The following BACH2 variants were observed in gnomAD, a reference collection of about 807,000 sequenced individuals.
BACH2 encodes the protein BACH transcriptional regulator 2, also known as transcription regulator protein BACH2.
Under a neutral mutation model 61.8 loss-of-function variants are expected in BACH2, and 5 were observed. The ratio of observed to expected loss-of-function variants is 0.08; its 90% CI spans 0.04 to 0.17. The LOEUF is 0.17. Among genes scored for constraint, BACH2 ranks in the 10% least tolerant of loss-of-function variants. The probability of loss-of-function intolerance (pLI) is 1.00; values close to 1 mark genes in which losing one functional copy is unlikely to be tolerated. For missense variants in BACH2, 824 were observed against 1,091.1 expected, an observed-to-expected ratio of 0.76 and a Z score of 3.45; for synonymous variants, 446 against 440.1, an observed-to-expected ratio of 1.01 and a Z score of -0.17.
At chr6:90,078,557 G>T (rs939600692) in intron 5 of BACH2, among the ~76,000 whole-genome samples, 27 of 152,116 alleles carry the variant, frequency 1.8e-4, no homozygotes, top group African/African-American at 6.0e-4. Context: ...TGTACTCCAA[G>T]AATAGAGGAG....
chr6:90,093,418 A>G (rs184753450), intron 4 of BACH2, among the ~76,000 whole-genome samples: 6 of 152,268 alleles, frequency 3.9e-5, no homozygotes, highest in Admixed American at 1.3e-4. Flanking sequence ...CTATTCTACT[A>G]ACACTGTTTA....
chr6:90,155,375 C>T (rs568523275), intron 4 of BACH2, among the ~76,000 whole-genome samples: 6 of 152,106 alleles, frequency 3.9e-5, no homozygotes, highest in Admixed American at 3.3e-4. Flanking sequence ...ATGTTCCATT[C>T]GAAGACTATA....
At chr6:90,260,912 T>C (rs1273765780) in intron 2 of BACH2, among the ~76,000 whole-genome samples, 6 of 152,174 alleles carry the variant, frequency 3.9e-5, no homozygotes, top group South Asian at 2.1e-4. Flanking sequence ...TTGAGCCAAT[T>C]TGGCCCACTG....
intron 1 of BACH2, among the ~76,000 whole-genome samples, chr6:90,287,462 C>A (rs1199414378): frequency 6.6e-6 from 1 of 152,066 alleles, no homozygotes; most frequent in African/African-American, 2.4e-5. Context: ...AATCCCTAAC[C>A]ACAAACCAAA....
At chr6:89,943,397 A>G (rs1773550683) in intron 7 of BACH2, among the ~76,000 whole-genome samples, 1 of 152,094 alleles carries the variant, frequency 6.6e-6, no homozygotes, top group Non-Finnish European at 1.5e-5. Flanking sequence ...AAAAGGAAAC[A>G]TTGAAAAATT....
chr6:90,287,525 T>C (rs1442231056), intron 1 of BACH2, among the ~76,000 whole-genome samples: 1 of 152,232 alleles, frequency 6.6e-6, no homozygotes, highest in Non-Finnish European at 1.5e-5. Flanking sequence ...CATCTTGCTA[T>C]AGAGGTTTAT....
Position 90,131,904 on chromosome 6 carries a change from T to G in BACH2, c.-161-42795A>C, listed in dbSNP as rs116268610. ...TTGTTATGCCAGCCAATGAAAGTGA[T>G]TGCATTCCTAAATTAAGTGGAAACA... On this transcript the variant is annotated intron_variant, in intron 4 of 8. Transcript: ENST00000257749. Among the ~76,000 whole-genome samples the G allele has an allele frequency of 6.8e-3, 1,037 of 152,304 alleles. 15 individuals carry two copies. Among genetic ancestry groups the G allele is most frequent in the African/African-American group, 0.022 (935 of 41,564 alleles).
chr6:90,231,099 C>A (rs551551272), intron 3 of BACH2, among the ~76,000 whole-genome samples: 1 of 152,252 alleles, frequency 6.6e-6, no homozygotes, highest in South Asian at 2.1e-4. Flanking sequence ...AGGGAGGACA[C>A]AGAGCACTAG....
At chr6:90,102,222 T>C (rs1172338334) in intron 4 of BACH2, among the ~76,000 whole-genome samples, 1 of 152,198 alleles carries the variant, frequency 6.6e-6, no homozygotes, top group Non-Finnish European at 1.5e-5. Flanking sequence ...GGTTATGGTC[T>C]TGGTGGCATT....
intron 4 of BACH2, among the ~76,000 whole-genome samples, chr6:90,130,299 C>T (rs1431641281): frequency 6.6e-6 from 1 of 152,122 alleles, no homozygotes; most frequent in East Asian, 1.9e-4. Flanking sequence ...AGGCCCATGC[C>T]CAGGATACAG....
intron 5 of BACH2, among the ~76,000 whole-genome samples, chr6:90,029,818 C>G (rs552437723): frequency 1.3e-5 from 2 of 152,280 alleles, no homozygotes; most frequent in South Asian, 4.1e-4. Flanking sequence ...CCTTGCCTAT[C>G]CATTTATCCA....
intron 4 of BACH2, among the ~76,000 whole-genome samples, chr6:90,152,163 G>A (rs1056499551): frequency 2.8e-4 from 42 of 152,200 alleles, no homozygotes; most frequent in African/African-American, 1.0e-3. Context: ...CCATGACAAA[G>A]AAAGGAGGCA....
At chr6:90,288,300 T>C (rs1355655568) in intron 1 of BACH2, among the ~76,000 whole-genome samples, 2 of 152,116 alleles carry the variant, frequency 1.3e-5, no homozygotes, top group Admixed American at 6.5e-5. Flanking sequence ...GAAATCTTTA[T>C]GCACTCATCT....
chr6:90,044,508 A>G (rs923688917), intron 5 of BACH2, among the ~76,000 whole-genome samples: 2 of 152,232 alleles, frequency 1.3e-5, no homozygotes, highest in African/African-American at 4.8e-5. Context: ...GAGAAGCCAG[A>G]GTAGGCAAGT....
At chr6:90,292,916 C>T (rs569524509) in intron 1 of BACH2, among the ~76,000 whole-genome samples, 57 of 152,348 alleles carry the variant, frequency 3.7e-4, no homozygotes, top group Non-Finnish European at 6.5e-4. Context: ...AGCCAGTAGT[C>T]CTACCAACTG....
chr6:89,964,207 T>TAA (rs61668401), intron 6 of BACH2, among the ~76,000 whole-genome samples: 6 of 113,938 alleles, frequency 5.3e-5, no homozygotes, highest in Middle Eastern at 4.9e-3. Context: ...AAAGTATAAT[T>TAA]AAAAAAAAAA....
intron 5 of BACH2, among the ~76,000 whole-genome samples, chr6:90,034,102 T>A (rs1312352778): frequency 6.6e-6 from 1 of 152,194 alleles, no homozygotes; most frequent in African/African-American, 2.4e-5. Context: ...AAATGGCTGT[T>A]ATTCTCTTTT....
intron 3 of BACH2, among the ~76,000 whole-genome samples, chr6:90,225,686 T>C (rs1769889670): frequency 6.6e-6 from 1 of 152,156 alleles, no homozygotes; most frequent in Admixed American, 6.5e-5. Context: ...GGTGATAGGT[T>C]GATAGGTGCA....
At position 89,928,863 on chromosome 6, in the gene BACH2, C is replaced by T. The variant is rs1169933255; in HGVS notation, c.*3545G>A. On this transcript the variant is annotated 3_prime_UTR_variant, in exon 9 of 9. Transcript: ENST00000257749. ...TAGCAGGATGGCCTCGTAACTTTGT[C>T]GGTTTTTTTTTTTTTAAAGTTTTTC... is the stretch of plus-strand genomic sequence containing the variant. The T allele has an allele frequency of 2.6e-5, 3 of 116,886 alleles. No homozygotes were observed. The highest frequency in any genetic ancestry group is 3.6e-5 in the Non-Finnish European group (2 of 55,410). 7.2% of individuals were successfully genotyped at this position (116,886 alleles called of 1,614,324 possible). A position where few individuals can be genotyped will look rare whatever the true frequency, so the allele number is the denominator to read the frequency against.
Sources: allele counts gnomAD v4.1 joint callset (sites outside exome capture counted in the v4.1 genomes callset), GRCh38; gene constraint gnomAD v4.1.1; transcripts MANE v1.5; gene names NCBI Gene and HGNC (gene_info 2026-07-23, HGNC 2026-07-21).